Variants in FUT8 observed in about 807,000 individuals in gnomAD.
FUT8 encodes alpha-(1,6)-fucosyltransferase.
Under a neutral mutation model 71.3 loss-of-function variants are expected in FUT8, and 29 were observed. The ratio of observed to expected loss-of-function variants is 0.41; its 90% confidence interval spans 0.30 to 0.55. The LOEUF is 0.55. FUT8 is among the 20% of genes least tolerant of loss of function. FUT8 has a pLI of 0.34. For synonymous variants in FUT8, 254 were observed against 239.3 expected, an observed-to-expected ratio of 1.06 and a Z score of -0.57; for missense variants, 544 against 702.1, an observed-to-expected ratio of 0.77 and a Z score of 2.55.
chr14:65,376,542 C>T, the FUT8 span, among the ~76,000 whole-genome samples: 1 of 135,358 alleles, frequency 7.4e-6, no homozygotes, highest in African/African-American at 2.6e-5. Context: ...TCCCAAGTAG[C>T]TGGGATTATA....
the FUT8 span, among the ~76,000 whole-genome samples, chr14:65,371,790 C>T: frequency 2.6e-5 from 4 of 152,092 alleles, no homozygotes; most frequent in South Asian, 2.1e-4. Context: ...GCCATTTCTC[C>T]GAAGAGCCCT....
chr14:65,420,216 G>C (rs902104474), intron 1 of FUT8, among the ~76,000 whole-genome samples: 1 of 152,090 alleles, frequency 6.6e-6, no homozygotes, highest in Non-Finnish European at 1.5e-5. Flanking sequence ...TACCAAAGAA[G>C]TCTATTTTGG....
chr14:65,394,555 G>A, the FUT8 span, among the ~76,000 whole-genome samples: 1 of 152,120 alleles, frequency 6.6e-6, no homozygotes, highest in Non-Finnish European at 1.5e-5. Flanking sequence ...AAAGTTTACA[G>A]TTCAAAGTCT....
chr14:65,609,656 G>GT (rs1385803526), intron 3 of FUT8, among the ~76,000 whole-genome samples: 3 of 151,626 alleles, frequency 2.0e-5, no homozygotes, highest in Admixed American at 6.6e-5. Flanking sequence ...ATTGTATGTA[G>GT]TTTTATAATA....
At chr14:65,505,742 C>T (rs1197043968) in intron 2 of FUT8, among the ~76,000 whole-genome samples, 3 of 152,074 alleles carry the variant, frequency 2.0e-5, no homozygotes, top group African/African-American at 7.2e-5. Flanking sequence ...CATCCATCTT[C>T]ATTCTCATTT....
At chr14:65,689,786 C>T (rs1238904781) in intron 7 of FUT8, among the ~76,000 whole-genome samples, 1 of 152,242 alleles carries the variant, frequency 6.6e-6, no homozygotes, top group East Asian at 1.9e-4. Flanking sequence ...ATCCGCCCAC[C>T]TCGGCCTCCC....
chr14:65,557,079 T>C (rs1018546486), intron 2 of FUT8, among the ~76,000 whole-genome samples: 6 of 152,214 alleles, frequency 3.9e-5, no homozygotes, highest in African/African-American at 1.4e-4. Context: ...GTGGTTTATA[T>C]ATGTTAACCT....
chr14:65,649,821 G>A (rs1359569480), intron 6 of FUT8, among the ~76,000 whole-genome samples: 1 of 152,162 alleles, frequency 6.6e-6, no homozygotes. Context: ...ATTAGCAAAT[G>A]CCTCTGAAAA....
In FUT8 at chr14:65,574,953, A is replaced by G. The variant is rs1886674206; in HGVS notation, c.203+13187A>G. Among the ~76,000 whole-genome samples, 2 of 152,150 alleles carry G rather than the reference A, an allele frequency of 1.3e-5. No individual in the cohort carries two copies. Among genetic ancestry groups the G allele is most frequent in the South Asian group, 4.1e-4 (2 of 4,826 alleles). ...GTTGATGTTGCAGGATTAATATTGT[A>G]TACTCTTTTTGTGGATGATGGCTTT... is the stretch of plus-strand genomic sequence containing the variant. On this transcript the variant is annotated intron_variant, in intron 3 of 10. Transcript: ENST00000673929. This position sits in a 1 kb window ranked among gnomAD's most constrained non-coding sequence, Gnocchi z 5.2.
chr14:65,415,819 T>C (rs543784766), intron 1 of FUT8, among the ~76,000 whole-genome samples: 111 of 152,264 alleles, frequency 7.3e-4, no homozygotes, highest in African/African-American at 2.5e-3. Flanking sequence ...ATCTACCAAA[T>C]TGAATGTGTG....
At chr14:65,718,591 A>G (rs1017026598) in intron 7 of FUT8, among the ~76,000 whole-genome samples, 1 of 152,164 alleles carries the variant, frequency 6.6e-6, no homozygotes, top group Non-Finnish European at 1.5e-5. Flanking sequence ...TTAATTGCCC[A>G]TTAACACCTT....
intron 5 of FUT8, among the ~76,000 whole-genome samples, chr14:65,624,722 A>G (rs184805279): frequency 2.0e-5 from 3 of 152,360 alleles, no homozygotes; most frequent in Non-Finnish European, 4.4e-5. Flanking sequence ...TTCAACAGAC[A>G]TTTGCTGATA....
chr14:65,530,241 A>C (rs1883849991), intron 2 of FUT8, among the ~76,000 whole-genome samples: 1 of 152,134 alleles, frequency 6.6e-6, no homozygotes, highest in Non-Finnish European at 1.5e-5. Context: ...CCTACATACT[A>C]CAGTCCCAAA....
intron 2 of FUT8, among the ~76,000 whole-genome samples, chr14:65,508,824 A>G (rs1882139358): frequency 1.3e-5 from 2 of 152,060 alleles, no homozygotes; most frequent in African/African-American, 4.8e-5. Flanking sequence ...TATTCTGGTT[A>G]TTAATCCTTT....
chr14:65,674,493 G>A (rs1398081365), intron 7 of FUT8, among the ~76,000 whole-genome samples: 2 of 152,162 alleles, frequency 1.3e-5, no homozygotes, highest in Non-Finnish European at 2.9e-5. Flanking sequence ...TGAAAATCAT[G>A]CCTTTATAAG....
chr14:65,476,129 A>T (rs1298700915), intron 2 of FUT8, among the ~76,000 whole-genome samples: 2 of 152,202 alleles, frequency 1.3e-5, no homozygotes, highest in African/African-American at 4.8e-5. Context: ...ACTATAGGAT[A>T]TTAGAACTAC....
chr14:65,691,071 T>C (rs1036680408), intron 7 of FUT8, among the ~76,000 whole-genome samples: 2 of 151,148 alleles, frequency 1.3e-5, no homozygotes, highest in Non-Finnish European at 2.9e-5. Flanking sequence ...AACCTTGATA[T>C]AGTTACTTAT....
At position 65,650,171 on chromosome 14, in the gene FUT8, C is replaced by T. The variant is rs151015480; in HGVS notation, c.598-19072C>T. Among the ~76,000 whole-genome samples the T allele has an allele frequency of 3.9e-3, 597 of 151,818 alleles. 4 individuals carry two copies. The highest frequency in any genetic ancestry group is 0.036 in the East Asian group (186 of 5,166). ...AAAATTAGCCGGGCGTGGTGGCACG[C>T]GCCTGTAATCCCAGCTACTCGGGAG... On this transcript the variant is annotated intron_variant, in intron 6 of 10. Coordinates refer to ENST00000673929, the MANE Select transcript of FUT8 (RefSeq NM_001371533.1).
the FUT8 span, among the ~76,000 whole-genome samples, chr14:65,362,051 C>T: frequency 6.6e-6 from 1 of 152,136 alleles, no homozygotes; most frequent in Non-Finnish European, 1.5e-5. Flanking sequence ...GCTTTGGTTT[C>T]GCCAGTTGTG....
Sources: gnomAD v4.1 joint callset for allele counts (sites outside exome capture counted in the v4.1 genomes callset) on GRCh38, gnomAD v4.1.1 for gene constraint, Gnocchi (gnomAD v3.1) non-coding constraint, MANE v1.5 for transcripts, NCBI Gene and HGNC (gene_info 2026-07-23, HGNC 2026-07-21) for gene names.